Variants in ZNF423 observed in about 807,000 individuals in gnomAD.
ZNF423 encodes Ebf-associated zinc finger protein.
A neutral mutation model predicts 95.8 loss-of-function variants in ZNF423; 12 were observed. The observed-to-expected ratio is 0.13, with a 90% CI of 0.08 to 0.20. The LOEUF is 0.20. Among genes scored for constraint, ZNF423 ranks in the 10% least tolerant of loss-of-function variants. The pLI, the probability that ZNF423 is intolerant of heterozygous loss-of-function variation, is 1.00. For synonymous variants in ZNF423, 749 were observed against 711.9 expected (o/e 1.05, Z -0.83); for missense variants, 1,316 against 1,737.1 (o/e 0.76, Z 4.31).
At chr16:49,721,125 C>A (rs1399735821) in intron 3 of ZNF423, among the ~76,000 whole-genome samples, 2 of 152,192 alleles carry the variant, frequency 1.3e-5, no homozygotes, top group East Asian at 1.9e-4. Context: ...CCCTGGAGGA[C>A]CAAGCTTGAG....
At chr16:49,848,077 C>G (rs1484200492) in intron 1 of ZNF423, among the ~76,000 whole-genome samples, 1 of 151,898 alleles carries the variant, frequency 6.6e-6, no homozygotes, top group African/African-American at 2.4e-5. Context: ...GCACTCCAGC[C>G]TGGGGGACAG....
In ZNF423 at chr16:49,641,153, C is replaced by G. The variant is rs559079043; in HGVS notation, c.302-2279G>C. 8.2e-4 allele frequency among the ~76,000 whole-genome samples: 125 copies of G among 152,352 alleles called. 1 individual carries two copies. Among genetic ancestry groups the G allele is most frequent in the Non-Finnish European group, 1.0e-3 (68 of 68,038 alleles). The stretch of plus-strand genomic sequence containing the variant: ...CTGCAAATGAGTGGCCAGGTCCACT[C>G]CCACTGGACAGACGAGGAAACTGAG... On this transcript the variant is annotated intron_variant, in intron 3 of 7. Coordinates refer to ENST00000563137, the MANE Select transcript of ZNF423 (RefSeq NM_001379286.1).
At position 49,855,386 on chromosome 16, in the gene ZNF423, G is replaced by A. The variant is rs925464972; in HGVS notation, c.40+349C>T. Among the ~76,000 whole-genome samples the A allele has an allele frequency of 1.3e-5, 2 of 149,574 alleles. No homozygotes were observed. The highest frequency in any genetic ancestry group is 1.3e-4 in the Admixed American group (2 of 15,104). ...AAGTCGGGCCAGCACCCCTTGATTG[G>A]CCACACGGGCCCGGGCCCCGCACGG... On this transcript the variant is annotated intron_variant, in intron 1 of 7. Transcript: ENST00000563137. The surrounding 1 kb of genome is among the most constrained non-coding windows in gnomAD (Gnocchi z 4.7).
At chr16:49,666,433 AT>A (rs1455747666) in intron 3 of ZNF423, among the ~76,000 whole-genome samples, 1 of 152,216 alleles carries the variant, frequency 6.6e-6, no homozygotes, top group East Asian at 1.9e-4. Context: ...TTCTATACAC[AT>A]GATCACGTAT....
chr16:49,586,243 G>A (rs999645498), intron 5 of ZNF423, among the ~76,000 whole-genome samples: 6 of 151,836 alleles, frequency 4.0e-5, no homozygotes, highest in African/African-American at 1.5e-4. Context: ...TGATACAAAC[G>A]ACACTTCGAT....
chr16:49,561,613 T>A lies in ZNF423; in HGVS notation c.3602-36119A>T, dbSNP rs562787679. On this transcript the variant is annotated intron_variant, in intron 5 of 7. Transcript: ENST00000563137. ...AATATAAAAGCAATCACTAAATTGA[T>A]TCCTTTTTTTGCCAGGCATTAACTT... Among the ~76,000 whole-genome samples the A allele has an allele frequency of 2.0e-5, 3 of 152,306 alleles. No homozygotes were observed. The South Asian group carries it at 6.2e-4, about 32-fold the overall frequency.
intron 3 of ZNF423, among the ~76,000 whole-genome samples, chr16:49,698,045 T>G (rs1218059149): frequency 6.6e-6 from 1 of 152,162 alleles, no homozygotes; most frequent in Non-Finnish European, 1.5e-5. Context: ...GACTCCACAT[T>G]GTCCTGCCCA....
chr16:49,687,660 G>A (rs2031615961), intron 3 of ZNF423, among the ~76,000 whole-genome samples: 1 of 152,150 alleles, frequency 6.6e-6, no homozygotes, highest in Non-Finnish European at 1.5e-5. Flanking sequence ...GAACCAGGGG[G>A]GCCTTTAATT....
chr16:49,677,942 G>A (rs2031188374), intron 3 of ZNF423, among the ~76,000 whole-genome samples: 1 of 152,100 alleles, frequency 6.6e-6, no homozygotes, highest in South Asian at 2.1e-4. Context: ...CAACACTTTG[G>A]GAGGCCGAGG....
intron 5 of ZNF423, among the ~76,000 whole-genome samples, chr16:49,530,463 A>C (rs1968798709): frequency 6.6e-6 from 1 of 152,136 alleles, no homozygotes; most frequent in African/African-American, 2.4e-5. Flanking sequence ...TCCCTCCGGC[A>C]CACAGACAGA....
At chr16:49,616,407 T>TTGA (rs1234614939) in intron 5 of ZNF423, among the ~76,000 whole-genome samples, 6 of 152,050 alleles carry the variant, frequency 3.9e-5, no homozygotes, top group African/African-American at 1.4e-4. Flanking sequence ...GATCTAGTAT[T>TTGA]TGATAGCACA....
At chr16:49,565,136 C>T (rs908361219) in intron 5 of ZNF423, among the ~76,000 whole-genome samples, 9 of 152,158 alleles carry the variant, frequency 5.9e-5, no homozygotes, top group Admixed American at 1.3e-4. Flanking sequence ...TCTATCAGCA[C>T]GGCGCCGCAG....
chr16:49,619,044 T>C (rs902479133), intron 5 of ZNF423, among the ~76,000 whole-genome samples: 1 of 152,170 alleles, frequency 6.6e-6, no homozygotes, highest in African/African-American at 2.4e-5. Context: ...TGGACCTCTT[T>C]TCTCTATAAT....
chr16:49,734,743 C>T (rs562656013), intron 2 of ZNF423, among the ~76,000 whole-genome samples: 18 of 152,344 alleles, frequency 1.2e-4, no homozygotes, highest in African/African-American at 3.4e-4. Context: ...GACAAGATTC[C>T]CTACCTCCCA....
intron 5 of ZNF423, among the ~76,000 whole-genome samples, chr16:49,574,689 C>T (rs1425682286): frequency 1.3e-5 from 2 of 151,366 alleles, no homozygotes; most frequent in Non-Finnish European, 1.5e-5. Context: ...GGGCACTCTC[C>T]GCCTACAGCC....
intron 2 of ZNF423, among the ~76,000 whole-genome samples, chr16:49,754,457 T>A (rs1209932010): frequency 6.6e-6 from 1 of 152,170 alleles, no homozygotes; most frequent in Non-Finnish European, 1.5e-5. Flanking sequence ...ATCAAGCTGC[T>A]TTGGAATGAG....
intron 7 of ZNF423, among the ~76,000 whole-genome samples, chr16:49,521,425 C>T (rs886917375): frequency 3.3e-5 from 5 of 152,190 alleles, no homozygotes; most frequent in African/African-American, 1.2e-4. Context: ...TAGGATAAGG[C>T]GGCTGCATGG....
chr16:49,660,377 A>C (rs368321668), intron 3 of ZNF423, among the ~76,000 whole-genome samples: 49 of 147,464 alleles, frequency 3.3e-4, no homozygotes, highest in African/African-American at 1.2e-3. Flanking sequence ...AGAATGAGAA[A>C]ATGAGAAAAC....
intron 2 of ZNF423, among the ~76,000 whole-genome samples, chr16:49,782,005 G>A (rs937162416): frequency 6.6e-6 from 1 of 152,232 alleles, no homozygotes; most frequent in Admixed American, 6.5e-5. Flanking sequence ...GGCTGGAGGT[G>A]GTGTGAGTCC....
Sources: gnomAD v4.1 joint callset for allele counts (sites outside exome capture counted in the v4.1 genomes callset) on GRCh38, gnomAD v4.1.1 for gene constraint, Gnocchi (gnomAD v3.1) non-coding constraint, MANE v1.5 for transcripts, NCBI Gene and HGNC (gene_info 2026-07-23, HGNC 2026-07-21) for gene names.